Variants in MMP26 observed in about 807,000 individuals in gnomAD.
The protein encoded by MMP26 is matrix metalloproteinase-26.
Under a neutral mutation model 31.0 loss-of-function variants are expected in MMP26, and 33 were observed. The ratio of observed to expected loss-of-function variants is 1.06; its 90% CI spans 0.81 to 1.42. The LOEUF is 1.42. Among genes scored for constraint, MMP26 ranks in the 40% most tolerant of loss-of-function variants. The pLI, the probability that MMP26 is intolerant of heterozygous loss-of-function variation, is 0.00. For synonymous variants in MMP26, 122 were observed against 114.9 expected (o/e 1.06, Z -0.40); for missense variants, 347 against 316.1 (o/e 1.10, Z -0.74).
chr11:4,900,118 A>C (rs1026536660), intron 2 of MMP26, among the ~76,000 whole-genome samples: 3 of 152,112 alleles, frequency 2.0e-5, no homozygotes, highest in Admixed American at 2.0e-4. Context: ...TTTCTGTACC[A>C]GATTGGAAGC....
At position 4,769,770 on chromosome 11, in the gene MMP26, CA is replaced by C. The variant is rs1246763226; in HGVS notation, c.-145+2432del. On this transcript the variant is annotated intron_variant, in intron 2 of 7. Transcript: ENST00000380390. ...TGGAGACTCTGCTGGGTAATGATGA[CA>C]AACAGGATCACGCTGTTCCCAGAGA... The C allele has an allele frequency of 3.7e-6, 6 of 1,613,860 alleles. No individual in the cohort carries two copies. The Admixed American group carries it at 1.0e-4, about 27-fold the overall frequency.
In MMP26 at chr11:4,802,008, G is replaced by C. The variant is rs1279376300; in HGVS notation, c.-145+34667G>C. The stretch of plus-strand genomic sequence containing the variant: ...ATCACATTTCAACAGATTTGGAGGG[G>C]AGCCAGGTCCAAATCATATCAACTA... On this transcript the variant is annotated intron_variant, in intron 2 of 7. Coordinates refer to ENST00000380390, the MANE Select transcript of MMP26 (RefSeq NM_021801.5). 3.3e-5 allele frequency among the ~76,000 whole-genome samples: 5 copies of C among 152,190 alleles called. No homozygotes were observed. In the East Asian group the frequency reaches 5.8e-4, roughly 18 times the overall value.
At chr11:4,886,612 G>A (rs747286778) in intron 2 of MMP26, among the ~76,000 whole-genome samples, 5 of 150,896 alleles carry the variant, frequency 3.3e-5, no homozygotes, top group Non-Finnish European at 7.4e-5. Flanking sequence ...TATATCTTTG[G>A]TTCCACCCTC....
chr11:4,888,270 AC>A (rs1397711228), intron 2 of MMP26, among the ~76,000 whole-genome samples: 2 of 152,132 alleles, frequency 1.3e-5, no homozygotes, highest in Non-Finnish European at 2.9e-5. Flanking sequence ...TAGACAAGAA[AC>A]AAATGATTTT....
At chr11:4,990,448 A>G in intron 4 of MMP26, 150 bp from the exon 5 acceptor site, 1 of 614,956 alleles carries the variant, frequency 1.6e-6, no homozygotes, top group Non-Finnish European at 2.5e-6. Context: ...TTTCTGATTT[A>G]ATTAGTCTGA....
chr11:4,884,973 C>A (rs1850529050), intron 2 of MMP26, among the ~76,000 whole-genome samples: 1 of 151,968 alleles, frequency 6.6e-6, no homozygotes, highest in African/African-American at 2.4e-5. Flanking sequence ...TTTAGATGAA[C>A]AATTGTGAAA....
At chr11:4,978,360 T>A (rs1416858110) in intron 2 of MMP26, among the ~76,000 whole-genome samples, 2 of 152,116 alleles carry the variant, frequency 1.3e-5, no homozygotes, top group Non-Finnish European at 2.9e-5. Context: ...ACATCAAGTG[T>A]CAGCACTTCT....
In MMP26 at chr11:4,803,785, C is replaced by T. The variant is rs75386291; in HGVS notation, c.-145+36444C>T. The T allele has an allele frequency of 4.3e-5, 69 of 1,613,252 alleles. No homozygotes were observed. The highest frequency in any genetic ancestry group is 2.0e-4 in the African/African-American group (15 of 74,726). ...GAAGGCCACAAAGAGCCCATTCCCACGACTTATGCTTGTATCAGCACACAC... is the reference window on the plus strand; with the variant it reads ...GAAGGCCACAAAGAGCCCATTCCCATGACTTATGCTTGTATCAGCACACAC... On this transcript the variant is annotated intron_variant, in intron 2 of 7. Transcript: ENST00000380390.
At chr11:4,872,652 A>G (rs1360333574) in intron 2 of MMP26, among the ~76,000 whole-genome samples, 2 of 152,066 alleles carry the variant, frequency 1.3e-5, no homozygotes, top group Non-Finnish European at 2.9e-5. Flanking sequence ...AGAGTATAGT[A>G]TGCTCATGCC....
rs1846528055 is a variant in MMP26 at position 4,962,022 on chromosome 11, G to C, written c.-144-26046G>C. Among the ~76,000 whole-genome samples the C allele has an allele frequency of 2.0e-5, 3 of 152,020 alleles. No homozygotes were observed. The South Asian group carries it at 6.2e-4, about 32-fold the overall frequency. On this transcript the variant is annotated intron_variant, in intron 2 of 7. Coordinates refer to ENST00000380390, the MANE Select transcript of MMP26 (RefSeq NM_021801.5). ...TTTTTTCTGCTGCTTGGAGTGCTGT[G>C]TCTTTTGTTTTTTGTTTTTGTTTGT...
intron 2 of MMP26, among the ~76,000 whole-genome samples, chr11:4,928,970 G>A (rs1851309715): frequency 6.6e-6 from 1 of 152,034 alleles, no homozygotes; most frequent in South Asian, 2.1e-4. Context: ...TCCAATTGTT[G>A]GTGGGCAATG....
In MMP26 at chr11:4,770,127, G is replaced by C. The variant is rs1340486043; in HGVS notation, c.-145+2786G>C. Reference sequence around the variant, plus strand: ...AATCAGAAATAGTTCACAAAAATATGTTTTTGTACCATAAAATTCAAGGGA... The same window carrying C: ...AATCAGAAATAGTTCACAAAAATATCTTTTTGTACCATAAAATTCAAGGGA... On this transcript the variant is annotated intron_variant, in intron 2 of 7. Coordinates refer to ENST00000380390, the MANE Select transcript of MMP26 (RefSeq NM_021801.5). Among the ~76,000 whole-genome samples the C allele has an allele frequency of 2.6e-5, 4 of 152,060 alleles. 1 individual carries two copies. The highest frequency in any genetic ancestry group is 4.1e-4 in the South Asian group (2 of 4,826).
chr11:4,930,455 C>T (rs1180934917), intron 2 of MMP26, among the ~76,000 whole-genome samples: 3 of 152,032 alleles, frequency 2.0e-5, no homozygotes, highest in Admixed American at 6.6e-5. Context: ...GGGGAAACTC[C>T]TTTTTCGAGC....
chr11:4,904,634 CT>C (rs1288188548), intron 2 of MMP26, among the ~76,000 whole-genome samples: 1 of 152,036 alleles, frequency 6.6e-6, no homozygotes, highest in Admixed American at 6.6e-5. Context: ...AATAAACAGC[CT>C]TGATGAGCTA....
rs1288293169 is a variant in MMP26, at chr11:4,848,604, C to T, written c.-145+81263C>T. On this transcript the variant is annotated intron_variant, in intron 2 of 7. Transcript: ENST00000380390. ...AACCACAAATAGGCTGTAGGCTGCA[C>T]CCCAAGCTTCTGGGCAGGCCAAACG... is the stretch of plus-strand genomic sequence containing the variant. 2.5e-6 allele frequency: 4 copies of T among 1,606,934 alleles called. No individual in the cohort carries two copies. The highest frequency in any genetic ancestry group is 4.5e-5 in the East Asian group (2 of 44,852).
chr11:4,859,789 C>A, intron 2 of MMP26: 1 of 471,372 alleles, frequency 2.1e-6, no homozygotes, highest in South Asian at 1.5e-5. Flanking sequence ...GGAGGCAGCA[C>A]CCATAAAAGG....
intron 2 of MMP26, among the ~76,000 whole-genome samples, chr11:4,967,834 G>T (rs1406729383): frequency 6.6e-6 from 1 of 151,744 alleles, no homozygotes; most frequent in African/African-American, 2.4e-5. Flanking sequence ...GAAGGGATCA[G>T]GTAGGGAGAA....
chr11:4,858,248 A>G (rs1290991967), intron 2 of MMP26, among the ~76,000 whole-genome samples: 1 of 152,210 alleles, frequency 6.6e-6, no homozygotes, highest in Admixed American at 6.5e-5. Context: ...GGAGAAAGAA[A>G]TAAAAGGTAT....
In MMP26 at chr11:4,988,094, T is replaced by C. The variant is rs1226586908; in HGVS notation, c.-118T>C. ...TATGGATGATGACGCCACTCACAGA[T>C]TCAAAGAAAGGGCAAACTGGCAGAG... On this transcript the variant is annotated 5_prime_UTR_variant, in exon 3 of 8. Transcript: ENST00000380390. The C allele has an allele frequency of 1.1e-6, 1 of 890,218 alleles. No homozygotes were observed. The highest frequency in any genetic ancestry group is 1.9e-6 in the Non-Finnish European group (1 of 529,022). The allele number at this position is 890,218 out of a possible 1,614,324, so 55.1% of individuals were successfully genotyped here.
Sources: allele counts gnomAD v4.1 joint callset (sites outside exome capture counted in the v4.1 genomes callset), GRCh38; gene constraint gnomAD v4.1.1; transcripts MANE v1.5; gene names NCBI Gene and HGNC (gene_info 2026-07-23, HGNC 2026-07-21).